Variants in ZFHX3 observed in about 807,000 individuals in gnomAD.
ZFHX3 encodes zinc finger homeobox 3.
In ZFHX3, 42 loss-of-function variants were observed where a neutral mutation model predicts 279.1. The ratio of observed to expected loss-of-function variants is 0.15; its 90% CI spans 0.12 to 0.19. The LOEUF (loss-of-function observed/expected upper bound fraction) is 0.19. Ranked by LOEUF, ZFHX3 falls within the 10% of genes least tolerant of loss-of-function variation. The pLI is 1.00. For synonymous variants in ZFHX3, 2,293 were observed against 1,957.8 expected, an observed-to-expected ratio of 1.17 and a Z score of -4.52; for missense variants, 4,981 against 4,754.0, an observed-to-expected ratio of 1.05 and a Z score of -1.40.
chr16:73,367,940 C>G (rs1215839685), intron 3 of ZFHX3, among the ~76,000 whole-genome samples: 1 of 149,232 alleles, frequency 6.7e-6, no homozygotes, highest in East Asian at 2.0e-4. Context: ...ATGGTCTCAG[C>G]TCACTGCAAC....
chr16:73,654,963 T>C (rs562817070), intron 2 of ZFHX3, among the ~76,000 whole-genome samples: 63 of 149,276 alleles, frequency 4.2e-4, no homozygotes, highest in Non-Finnish European at 5.9e-4. Context: ...TGGATTCAAG[T>C]AATTCCCCTG....
chr16:73,426,289 T>TTTTG (rs888343711), intron 3 of ZFHX3, among the ~76,000 whole-genome samples: 1 of 151,280 alleles, frequency 6.6e-6, no homozygotes, highest in Non-Finnish European at 1.5e-5. Flanking sequence ...CTTTAGGAGG[T>TTTTG]TTTGTTTGTT....
At chr16:72,912,334 C>T (rs914298131) in intron 3 of ZFHX3, among the ~76,000 whole-genome samples, 1 of 152,184 alleles carries the variant, frequency 6.6e-6, no homozygotes. Flanking sequence ...ATTTGGGAGG[C>T]TTTAGAAAGA....
At chr16:73,248,137 ATG>A (rs1047030364) in intron 5 of ZFHX3, among the ~76,000 whole-genome samples, 1 of 147,046 alleles carries the variant, frequency 6.8e-6, no homozygotes, top group Non-Finnish European at 1.5e-5. Context: ...TGTGTATAAA[ATG>A]TGTGTGTTTG....
chr16:73,424,711 G>A (rs35236088), intron 3 of ZFHX3, among the ~76,000 whole-genome samples: 8,628 of 131,820 alleles, frequency 0.065, 366 homozygotes, highest in Middle Eastern at 0.18. Context: ...CTATGATTGC[G>A]CCACTGCACT....
At chr16:73,878,888 T>C (rs761451736) in intron 1 of ZFHX3, among the ~76,000 whole-genome samples, 1 of 151,382 alleles carries the variant, frequency 6.6e-6, no homozygotes, top group Non-Finnish European at 1.5e-5. Context: ...GGCTGATAGA[T>C]GTAACTGGAA....
intron 3 of ZFHX3, among the ~76,000 whole-genome samples, chr16:73,384,239 T>G (rs891662156): frequency 6.6e-6 from 1 of 152,210 alleles, no homozygotes; most frequent in Non-Finnish European, 1.5e-5. Context: ...TGTTTACATA[T>G]AGTCTATGGG....
At chr16:73,074,498 C>T (rs1965862653) in intron 8 of ZFHX3, among the ~76,000 whole-genome samples, 2 of 152,194 alleles carry the variant, frequency 1.3e-5, no homozygotes, top group Admixed American at 1.3e-4. Context: ...ATGGAGTGTT[C>T]ACTGTACACA....
At chr16:73,510,155 C>G (rs1033081387) in intron 2 of ZFHX3, among the ~76,000 whole-genome samples, 4 of 152,178 alleles carry the variant, frequency 2.6e-5, no homozygotes, top group Non-Finnish European at 4.4e-5. Context: ...CACCCCTGAT[C>G]AGCAAATCTA....
intron 1 of ZFHX3, among the ~76,000 whole-genome samples, chr16:73,784,605 G>C (rs867611789): frequency 3.1e-4 from 47 of 151,850 alleles, no homozygotes; most frequent in South Asian, 1.3e-3. Context: ...AAATTAGCTG[G>C]GGGTGGTGGC....
intron 1 of ZFHX3, among the ~76,000 whole-genome samples, chr16:73,054,763 C>CAT (rs1374647734): frequency 2.0e-5 from 3 of 152,006 alleles, no homozygotes; most frequent in Non-Finnish European, 2.9e-5. Context: ...AATTTAAAGG[C>CAT]ATATATATAG....
intron 4 of ZFHX3, 31 bp downstream of exon 4, chr16:72,889,700 C>T (rs1454324884): frequency 7.5e-6 from 12 of 1,602,954 alleles, no homozygotes; most frequent in Non-Finnish European, 1.0e-5. Flanking sequence ...CAGGCCCAAC[C>T]TGGGCCTCCC....
At chr16:73,604,742 G>GA (rs35492989) in intron 2 of ZFHX3, among the ~76,000 whole-genome samples, 19,090 of 138,468 alleles carry the variant, frequency 0.14, 1,414 homozygotes, top group Middle Eastern at 0.16. Context: ...GAGACTCCGT[G>GA]AAAAAAAAAA....
intron 2 of ZFHX3, among the ~76,000 whole-genome samples, chr16:73,497,699 C>T (rs2019165385): frequency 6.6e-6 from 1 of 152,102 alleles, no homozygotes; most frequent in Non-Finnish European, 1.5e-5. Context: ...GAACTGGAAA[C>T]TCCCTGGGAA....
chr16:73,122,783 C>T (rs183761147), intron 7 of ZFHX3, among the ~76,000 whole-genome samples: 145 of 152,256 alleles, frequency 9.5e-4, no homozygotes, highest in Non-Finnish European at 1.6e-3. Flanking sequence ...ACTTCTCCTT[C>T]GGCTTTCCGT....
chr16:73,737,738 G>A (rs554143371), intron 1 of ZFHX3, among the ~76,000 whole-genome samples: 1 of 152,164 alleles, frequency 6.6e-6, no homozygotes, highest in Middle Eastern at 3.4e-3. Flanking sequence ...AGGGATACGG[G>A]AGCTATTTAA....
intron 4 of ZFHX3, among the ~76,000 whole-genome samples, chr16:73,278,629 A>G (rs8055905): frequency 0.22 from 33,257 of 152,086 alleles, 5,635 homozygotes; most frequent in African/African-American, 0.47. Context: ...ATCTGTCCCC[A>G]CCCACGTTCC....
chr16:73,282,662 CTAATT>C (rs1445943307), intron 4 of ZFHX3, among the ~76,000 whole-genome samples: 1 of 152,176 alleles, frequency 6.6e-6, no homozygotes, highest in African/African-American at 2.4e-5. Flanking sequence ...CTTTGCTATT[CTAATT>C]TATCTATCAG....
intron 1 of ZFHX3, among the ~76,000 whole-genome samples, chr16:73,795,324 C>G (rs559706312): frequency 9.7e-4 from 148 of 152,296 alleles, no homozygotes; most frequent in African/African-American, 3.4e-3. Context: ...GTTTTGAGGA[C>G]CCCTCTTGCT....
Sources: gnomAD v4.1 joint callset for allele counts (sites outside exome capture counted in the v4.1 genomes callset) on GRCh38, gnomAD v4.1.1 for gene constraint, MANE v1.5 for transcripts, NCBI Gene and HGNC (gene_info 2026-07-23, HGNC 2026-07-21) for gene names.